The following MPPED1 variants were observed in gnomAD, a reference collection of about 807,000 sequenced individuals.
MPPED1 encodes metallophosphoesterase domain containing 1, also known as metallophosphoesterase domain-containing protein 1.
In MPPED1, 16 loss-of-function variants were observed where a neutral mutation model predicts 36.2. That is an observed-to-expected ratio of 0.44 (90% CI 0.30 to 0.67). MPPED1 has a LOEUF of 0.67. Among genes scored for constraint, MPPED1 ranks in the 30% least tolerant of loss-of-function variants. MPPED1 has a pLI of 0.10. For synonymous variants in MPPED1, 199 were observed against 191.3 expected, an observed-to-expected ratio of 1.04 and a Z score of -0.33; for missense variants, 307 against 453.4, an observed-to-expected ratio of 0.68 and a Z score of 2.93.
At chr22:43,493,133 G>C (rs955167208) in intron 4 of MPPED1, among the ~76,000 whole-genome samples, 1 of 152,164 alleles carries the variant, frequency 6.6e-6, no homozygotes, top group Non-Finnish European at 1.5e-5. Flanking sequence ...GGCTCTGTAG[G>C]CTTGAAGGCA....
At chr22:43,434,412 G>A (rs977736884) in intron 2 of MPPED1, among the ~76,000 whole-genome samples, 7 of 152,182 alleles carry the variant, frequency 4.6e-5, no homozygotes, top group African/African-American at 1.7e-4. Context: ...CGGCGGACGT[G>A]CGCTGCACAG....
intron 1 of MPPED1, chr22:43,418,244 A>T (rs568773712): frequency 6.8e-6 from 3 of 442,450 alleles, no homozygotes; most frequent in South Asian, 1.6e-5. Flanking sequence ...GGGACAGCAG[A>T]TGTGAACTGG....
intron 3 of MPPED1, among the ~76,000 whole-genome samples, chr22:43,443,272 G>A (rs1356564373): frequency 6.6e-6 from 1 of 152,162 alleles, no homozygotes; most frequent in East Asian, 1.9e-4. Context: ...GCTGGGACGA[G>A]GGCATGGATT....
intron 1 of MPPED1, among the ~76,000 whole-genome samples, chr22:43,415,009 A>G (rs969846970): frequency 6.6e-6 from 1 of 151,992 alleles, no homozygotes; most frequent in Non-Finnish European, 1.5e-5. Flanking sequence ...AGTGTCCAAC[A>G]CTTGGGGGTG....
At chr22:43,476,347 G>T (rs796375955) in intron 4 of MPPED1, among the ~76,000 whole-genome samples, 37 of 152,246 alleles carry the variant, frequency 2.4e-4, no homozygotes, top group African/African-American at 8.2e-4. Flanking sequence ...CCTGGAGGAG[G>T]TGGGGTAACC....
At chr22:43,475,048 C>A in intron 4 of MPPED1, 87 bp downstream of exon 4, 5 of 1,217,822 alleles carry the variant, frequency 4.1e-6, no homozygotes, top group South Asian at 1.3e-5. Context: ...GGAGTAGCAG[C>A]AGGGAGCTCC....
intron 4 of MPPED1, among the ~76,000 whole-genome samples, chr22:43,478,084 G>A (rs1482525591): frequency 6.6e-6 from 1 of 152,266 alleles, no homozygotes; most frequent in Non-Finnish European, 1.5e-5. Flanking sequence ...TTACAGAAGG[G>A]CAGGTAGAGG....
intron 5 of MPPED1, among the ~76,000 whole-genome samples, chr22:43,501,037 C>T (rs1469519299): frequency 6.6e-6 from 1 of 152,098 alleles, no homozygotes; most frequent in Admixed American, 6.5e-5. Flanking sequence ...CACTTTGTGC[C>T]CCTACCCAGC....
Position 43,497,929 on chromosome 22 carries a change from G to GTGTATATA in MPPED1, c.633-305_633-304insGTATATAT, listed in dbSNP as rs1555904565. Among the ~76,000 whole-genome samples, 31 of 48,734 alleles carry GTGTATATA rather than the reference G, an allele frequency of 6.4e-4. 1 individual carries two copies. Among genetic ancestry groups the GTGTATATA allele is most frequent in the South Asian group, 1.3e-3 (3 of 2,286 alleles). 32.0% of individuals were successfully genotyped at this position (48,734 alleles called of 152,430 possible). A position where few individuals can be genotyped will look rare whatever the true frequency, so the allele number is the denominator to read the frequency against. The stretch of plus-strand genomic sequence containing the variant: ...CTTAGGAAGAAGCTGATATATATAT[G>GTGTATATA]TATATGTATATATATATATGTATTT... On this transcript the variant is annotated intron_variant, in intron 4 of 6. Coordinates refer to ENST00000443721, the MANE Select transcript of MPPED1 (RefSeq NM_001044370.2).
intron 4 of MPPED1, among the ~76,000 whole-genome samples, chr22:43,479,166 C>T (rs974371544): frequency 6.6e-6 from 1 of 152,128 alleles, no homozygotes; most frequent in African/African-American, 2.4e-5. Context: ...GCAGCTCATT[C>T]GGGGGGTGCA....
chr22:43,498,371 C>T, intron 5 of MPPED1, 21 bp downstream of exon 5: 1 of 1,522,280 alleles, frequency 6.6e-7, no homozygotes, highest in South Asian at 1.2e-5. Context: ...GCTGGCCTGG[C>T]CCTCCAGCTC....
chr22:43,430,468 G>T (rs924429952), intron 2 of MPPED1, among the ~76,000 whole-genome samples: 3 of 152,200 alleles, frequency 2.0e-5, no homozygotes, highest in Non-Finnish European at 4.4e-5. Context: ...ACAGCAAGGA[G>T]GAGGTCACTG....
At chr22:43,501,368 C>A (rs1824291179) in intron 5 of MPPED1, among the ~76,000 whole-genome samples, 2 of 152,096 alleles carry the variant, frequency 1.3e-5, no homozygotes, top group Admixed American at 1.3e-4. Context: ...TCTTTCCTCC[C>A]CTCCTCCCTC....
At chr22:43,420,559 C>T (rs1929233353) in intron 1 of MPPED1, among the ~76,000 whole-genome samples, 1 of 152,074 alleles carries the variant, frequency 6.6e-6, no homozygotes, top group South Asian at 2.1e-4. Context: ...CGCCCACCAC[C>T]ACGCCTGGCT....
intron 3 of MPPED1, among the ~76,000 whole-genome samples, chr22:43,455,638 T>C (rs1442650633): frequency 3.0e-4 from 45 of 152,340 alleles, no homozygotes; most frequent in Admixed American, 2.9e-3. Flanking sequence ...GACATACTTT[T>C]CAGAGCATTT....
chr22:43,499,588 T>A (rs1932563492), intron 5 of MPPED1, among the ~76,000 whole-genome samples: 1 of 90,024 alleles, frequency 1.1e-5, no homozygotes, highest in African/African-American at 4.7e-5. Context: ...GAGGTGGTGG[T>A]GGTAGTGGAG....
intron 4 of MPPED1, among the ~76,000 whole-genome samples, chr22:43,476,306 C>T (rs1163831110): frequency 6.6e-6 from 1 of 152,074 alleles, no homozygotes; most frequent in Non-Finnish European, 1.5e-5. Flanking sequence ...ATCACATATG[C>T]TTAAAAGTGT....
At chr22:43,479,392 G>A (rs1334967406) in intron 4 of MPPED1, among the ~76,000 whole-genome samples, 1 of 152,244 alleles carries the variant, frequency 6.6e-6, no homozygotes, top group African/African-American at 2.4e-5. Flanking sequence ...TGTGGGCAGG[G>A]CCGACCAGGC....
rs750205473 is a variant in MPPED1, at chr22:43,441,500, G to A, written c.406+6285G>A. On this transcript the variant is annotated intron_variant, in intron 3 of 6. Coordinates refer to ENST00000443721, the MANE Select transcript of MPPED1 (RefSeq NM_001044370.2). ...TCAGAGCCCAGCCCAGCCTGGTGCC[G>A]AGGTGCCCAGGGGTGTTTGTTGTAA... Among the ~76,000 whole-genome samples, 11 of 152,174 alleles carry A rather than the reference G, an allele frequency of 7.2e-5. No individual in the cohort carries two copies. In the East Asian group the frequency reaches 1.9e-3, roughly 27 times the overall value.
Sources: gnomAD v4.1 joint callset for allele counts (sites outside exome capture counted in the v4.1 genomes callset) on GRCh38, gnomAD v4.1.1 for gene constraint, MANE v1.5 for transcripts, NCBI Gene and HGNC (gene_info 2026-07-23, HGNC 2026-07-21) for gene names.